Variants in EPYC observed in about 807,000 individuals in gnomAD.
EPYC encodes the protein dermatan sulfate proteoglycan 3.
A neutral mutation model predicts 30.1 loss-of-function variants in EPYC; 28 were observed. The observed-to-expected ratio is 0.93, with a 90% CI of 0.69 to 1.28. The LOEUF (loss-of-function observed/expected upper bound fraction) is 1.28. Ranked by LOEUF, EPYC falls within the 50% of genes most tolerant of loss-of-function variation. EPYC has a pLI of 0.00. For synonymous variants in EPYC, 144 were observed against 141.4 expected, an observed-to-expected ratio of 1.02 and a Z score of -0.13; for missense variants, 382 against 383.5, an observed-to-expected ratio of 1.00 and a Z score of 0.03.
chr12:90,991,451 T>A (rs1877584030), intron 2 of EPYC, among the ~76,000 whole-genome samples: 1 of 152,116 alleles, frequency 6.6e-6, no homozygotes. Flanking sequence ...AATATCCAAC[T>A]CAGAAATGTG....
chr12:90,990,809 C>G (rs1265969434), intron 2 of EPYC, among the ~76,000 whole-genome samples: 2 of 152,038 alleles, frequency 1.3e-5, no homozygotes, highest in Non-Finnish European at 2.9e-5. Flanking sequence ...AAAAAAACAC[C>G]CTGCCAAAAG....
At chr12:90,971,506 C>T (rs941268224) in intron 5 of EPYC, among the ~76,000 whole-genome samples, 1 of 151,616 alleles carries the variant, frequency 6.6e-6, no homozygotes, top group Non-Finnish European at 1.5e-5. Flanking sequence ...CATGTCTCTA[C>T]AAAAATATAC....
At chr12:90,976,382 A>T (rs1226415284) in intron 3 of EPYC, among the ~76,000 whole-genome samples, 1 of 152,164 alleles carries the variant, frequency 6.6e-6, no homozygotes, top group African/African-American at 2.4e-5. Flanking sequence ...AACTACATGT[A>T]TTCATTTAAT....
At chr12:90,995,427 A>C (rs1474848767) in intron 2 of EPYC, among the ~76,000 whole-genome samples, 1 of 152,076 alleles carries the variant, frequency 6.6e-6, no homozygotes, top group Non-Finnish European at 1.5e-5. Flanking sequence ...AATATTGGAC[A>C]CAGCTCAAAG....
chr12:91,002,743 A>G (rs1266349834), intron 1 of EPYC, among the ~76,000 whole-genome samples, 165 bp from the exon 2 acceptor site: 1 of 147,032 alleles, frequency 6.8e-6, no homozygotes, highest in East Asian at 1.9e-4. Flanking sequence ...CTGATTTCCT[A>G]GGACCATTGC....
At chr12:90,999,302 A>G (rs1391160044) in intron 2 of EPYC, among the ~76,000 whole-genome samples, 1 of 152,100 alleles carries the variant, frequency 6.6e-6, no homozygotes, top group Non-Finnish European at 1.5e-5. Context: ...TAATCTGCCA[A>G]AGCCTAAACC....
intron 6 of EPYC, 57 bp downstream of exon 6, chr12:90,969,987 C>A: frequency 1.6e-6 from 2 of 1,256,550 alleles, no homozygotes; most frequent in South Asian, 2.4e-5. Flanking sequence ...TCCTGATGTC[C>A]TTTTTGGCTT....
At chr12:90,977,711 T>A (rs1487548616) in intron 3 of EPYC, among the ~76,000 whole-genome samples, 1 of 152,126 alleles carries the variant, frequency 6.6e-6, no homozygotes, top group African/African-American at 2.4e-5. Context: ...ATTATTACTA[T>A]TACCATCATC....
intron 2 of EPYC, 23 bp from the exon 3 acceptor site, chr12:90,978,285 A>G: frequency 6.4e-7 from 1 of 1,564,086 alleles, no homozygotes; most frequent in Non-Finnish European, 8.6e-7. Context: ...AAAAAAAGAG[A>G]ATTTCTTCAG....
intron 6 of EPYC, among the ~76,000 whole-genome samples, chr12:90,964,598 A>T (rs895645813): frequency 6.6e-6 from 1 of 152,186 alleles, no homozygotes; most frequent in African/African-American, 2.4e-5. Flanking sequence ...TCCAAAAATG[A>T]TGAGTATTGT....
intron 2 of EPYC, among the ~76,000 whole-genome samples, chr12:90,999,092 A>G (rs1877762331): frequency 6.6e-6 from 1 of 152,100 alleles, no homozygotes; most frequent in Non-Finnish European, 1.5e-5. Context: ...TAAACATCTC[A>G]TGAGTTTAGG....
intron 6 of EPYC, among the ~76,000 whole-genome samples, chr12:90,969,219 T>A (rs2120797431): frequency 6.6e-6 from 1 of 152,020 alleles, no homozygotes; most frequent in East Asian, 1.9e-4. Context: ...CCATAAAAGA[T>A]AATGTTAAAC....
intron 2 of EPYC, among the ~76,000 whole-genome samples, chr12:90,996,541 C>T (rs1565876223): frequency 6.6e-6 from 1 of 151,962 alleles, no homozygotes; most frequent in African/African-American, 2.4e-5. Flanking sequence ...TACAACTGCC[C>T]TTATTGAGTT....
At chr12:90,998,895 T>A (rs1877758757) in intron 2 of EPYC, among the ~76,000 whole-genome samples, 1 of 151,916 alleles carries the variant, frequency 6.6e-6, no homozygotes, top group African/African-American at 2.4e-5. Flanking sequence ...GAGCTCAGAG[T>A]TCCTTGTGTC....
intron 2 of EPYC, among the ~76,000 whole-genome samples, chr12:90,997,637 C>T (rs1877724492): frequency 6.6e-6 from 1 of 152,024 alleles, no homozygotes; most frequent in South Asian, 2.1e-4. Flanking sequence ...CTGATGAACC[C>T]TTTAAGGCAC....
chr12:90,999,261 G>T (rs1389684407), intron 2 of EPYC, among the ~76,000 whole-genome samples: 1 of 151,950 alleles, frequency 6.6e-6, no homozygotes, highest in Non-Finnish European at 1.5e-5. Context: ...TTAGAATTCT[G>T]CCTGCAATAT....
At chr12:90,982,998 A>T (rs1479674445) in intron 2 of EPYC, among the ~76,000 whole-genome samples, 1 of 152,186 alleles carries the variant, frequency 6.6e-6, no homozygotes, top group African/African-American at 2.4e-5. Context: ...TTTTGAATAT[A>T]TACCCAGTAG....
intron 2 of EPYC, among the ~76,000 whole-genome samples, chr12:90,982,035 C>T (rs1264637637): frequency 6.6e-6 from 1 of 152,040 alleles, no homozygotes; most frequent in Non-Finnish European, 1.5e-5. Context: ...GGAAGGTTTG[C>T]CAGTCTTTAT....
chr12:90,964,465 G>A (rs1401579032), intron 6 of EPYC, 139 bp from the exon 7 acceptor site: 2 of 557,652 alleles, frequency 3.6e-6, no homozygotes, highest in Non-Finnish European at 5.9e-6. Context: ...TATATGCCAA[G>A]CACTTTCTAA....
Sources: allele counts gnomAD v4.1 joint callset (sites outside exome capture counted in the v4.1 genomes callset), GRCh38; gene constraint gnomAD v4.1.1; transcripts MANE v1.5; gene names NCBI Gene and HGNC (gene_info 2026-07-23, HGNC 2026-07-21).